The following SLC4A10 variants were observed in gnomAD, a reference collection of about 807,000 sequenced individuals.
The protein encoded by SLC4A10 is sodium-driven chloride bicarbonate exchanger.
A neutral mutation model predicts 137.7 loss-of-function variants in SLC4A10; 42 were observed. The ratio of observed to expected loss-of-function variants is 0.30; its 90% CI spans 0.24 to 0.39. The LOEUF (loss-of-function observed/expected upper bound fraction) is 0.39, where lower values mean the gene tolerates loss of function less well. SLC4A10 is among the 10% of genes least tolerant of loss of function. The pLI is 1.00. For synonymous variants in SLC4A10, 474 were observed against 464.1 expected (o/e 1.02, Z -0.27); for missense variants, 925 against 1,355.0 (o/e 0.68, Z 4.98).
intron 15 of SLC4A10, among the ~76,000 whole-genome samples, chr2:161,930,540 A>G (rs1198798107): frequency 6.7e-6 from 1 of 149,688 alleles, no homozygotes; most frequent in Admixed American, 6.7e-5. Flanking sequence ...AATAAATTAT[A>G]TTAATTTATA....
chr2:161,916,385 TCA>T (rs757692488), intron 15 of SLC4A10, among the ~76,000 whole-genome samples: 13 of 152,312 alleles, frequency 8.5e-5, no homozygotes, highest in South Asian at 8.3e-4. Context: ...ACACTTATCT[TCA>T]CTCTCTCTAC....
At chr2:161,752,329 T>G (rs2049075379) in intron 1 of SLC4A10, among the ~76,000 whole-genome samples, 1 of 151,994 alleles carries the variant, frequency 6.6e-6, no homozygotes. Context: ...GATGAAGCAC[T>G]TGTATTTCTT....
At chr2:161,732,745 C>T (rs1343199993) in intron 1 of SLC4A10, among the ~76,000 whole-genome samples, 1 of 152,102 alleles carries the variant, frequency 6.6e-6, no homozygotes, top group African/African-American at 2.4e-5. Context: ...TTTGGAACTT[C>T]CTAGAGACTT....
intron 1 of SLC4A10, among the ~76,000 whole-genome samples, chr2:161,747,658 T>C (rs1004380835): frequency 6.6e-6 from 1 of 152,156 alleles, no homozygotes; most frequent in African/African-American, 2.4e-5. Context: ...CACCTTTTTT[T>C]TCCTGGAAGA....
rs1393903005 is a variant in SLC4A10, at chr2:161,958,562, T to G, written c.2862+7T>G. 3 of 1,596,980 alleles carry G rather than the reference T, an allele frequency of 1.9e-6. No homozygotes were observed. In the South Asian group the frequency reaches 3.3e-5, roughly 18 times the overall value. Reference sequence around the variant, plus strand: ...ATCTCTAAAGGGAATTCAGGTAAATTACTTACAGTACTACAGGCACATCTG... The same window carrying G: ...ATCTCTAAAGGGAATTCAGGTAAATGACTTACAGTACTACAGGCACATCTG... On this transcript the variant is annotated splice_region_variant and intron_variant, in intron 21 of 26. Coordinates refer to ENST00000446997, the MANE Select transcript of SLC4A10 (RefSeq NM_001178015.2).
intron 15 of SLC4A10, among the ~76,000 whole-genome samples, chr2:161,925,291 G>C (rs971254315): frequency 1.3e-5 from 2 of 152,112 alleles, no homozygotes; most frequent in East Asian, 3.9e-4. Context: ...TGTATGTGTC[G>C]AGGAATTTAT....
chr2:161,683,202 A>G (rs1479177298), intron 1 of SLC4A10, among the ~76,000 whole-genome samples: 1 of 152,180 alleles, frequency 6.6e-6, no homozygotes, highest in African/African-American at 2.4e-5. Context: ...CTTGAGTTAT[A>G]GTTTGAAAAT....
At chr2:161,762,113 C>A (rs2050310414) in intron 1 of SLC4A10, among the ~76,000 whole-genome samples, 1 of 151,970 alleles carries the variant, frequency 6.6e-6, no homozygotes. Context: ...TTAAATGCTT[C>A]TTTAATAAAA....
chr2:161,977,825 G>T, intron 26 of SLC4A10, 65 bp downstream of exon 26: 1 of 1,481,650 alleles, frequency 6.7e-7, no homozygotes, highest in Non-Finnish European at 9.1e-7. Context: ...GTGTCTTCTA[G>T]AAACCTGGTC....
chr2:161,757,402 T>C (rs2049772277), intron 1 of SLC4A10, among the ~76,000 whole-genome samples: 1 of 152,140 alleles, frequency 6.6e-6, no homozygotes, highest in Admixed American at 6.6e-5. Context: ...GATCAAAATA[T>C]TTAGATTCTA....
At chr2:161,736,814 T>G (rs1463672663) in intron 1 of SLC4A10, among the ~76,000 whole-genome samples, 1 of 152,094 alleles carries the variant, frequency 6.6e-6, no homozygotes. Context: ...AGTCACTCAG[T>G]CATCTCTCTT....
At chr2:161,684,648 T>C (rs2041200722) in intron 1 of SLC4A10, among the ~76,000 whole-genome samples, 1 of 152,152 alleles carries the variant, frequency 6.6e-6, no homozygotes, top group Non-Finnish European at 1.5e-5. Flanking sequence ...TTTCCTCAAC[T>C]GTAAAATATA....
chr2:161,684,667 A>G (rs1431496806), intron 1 of SLC4A10, among the ~76,000 whole-genome samples: 4 of 152,194 alleles, frequency 2.6e-5, no homozygotes, highest in African/African-American at 9.7e-5. Flanking sequence ...TAGAAATAGT[A>G]TCAATCTCAC....
intron 20 of SLC4A10, 127 bp downstream of exon 20, chr2:161,957,367 G>A: frequency 9.0e-7 from 1 of 1,116,140 alleles, no homozygotes; most frequent in South Asian, 1.7e-5. Flanking sequence ...ATGAATTTCT[G>A]AACCATGTTT....
intron 3 of SLC4A10, among the ~76,000 whole-genome samples, chr2:161,829,514 G>C (rs191363183): frequency 1.6e-3 from 245 of 152,188 alleles, no homozygotes; most frequent in African/African-American, 5.6e-3. Context: ...TGGCTAATAA[G>C]ATAGCAAAAT....
At chr2:161,831,485 T>C (rs1225818400) in intron 3 of SLC4A10, among the ~76,000 whole-genome samples, 9 of 152,184 alleles carry the variant, frequency 5.9e-5, no homozygotes, top group Admixed American at 5.9e-4. Context: ...TTTATAATTT[T>C]TATCACAAAT....
At chr2:161,709,250 A>T (rs13432097) in intron 1 of SLC4A10, among the ~76,000 whole-genome samples, 5,528 of 151,714 alleles carry the variant, frequency 0.036, 333 homozygotes, top group African/African-American at 0.13. Flanking sequence ...AGATACTGAT[A>T]TATTGCAAAT....
intron 1 of SLC4A10, among the ~76,000 whole-genome samples, chr2:161,716,316 AG>A (rs1186066200): frequency 6.6e-6 from 1 of 152,034 alleles, no homozygotes; most frequent in Middle Eastern, 3.2e-3. Flanking sequence ...TTTGCTGTGC[AG>A]AAGTTCTTTA....
At chr2:161,820,886 A>G (rs2057560730) in intron 3 of SLC4A10, among the ~76,000 whole-genome samples, 1 of 152,210 alleles carries the variant, frequency 6.6e-6, no homozygotes, top group Admixed American at 6.5e-5. Flanking sequence ...ATTGGGGTAC[A>G]TATTTACATT....
Sources: gnomAD v4.1 joint callset for allele counts (sites outside exome capture counted in the v4.1 genomes callset) on GRCh38, gnomAD v4.1.1 for gene constraint, MANE v1.5 for transcripts, NCBI Gene and HGNC (gene_info 2026-07-23, HGNC 2026-07-21) for gene names.